Variants in L3MBTL4 observed in about 807,000 individuals in gnomAD.
L3MBTL4 encodes lethal(3)malignant brain tumor-like protein 4.
Under a neutral mutation model 84.5 loss-of-function variants are expected in L3MBTL4, and 70 were observed. The ratio of observed to expected loss-of-function variants is 0.83; its 90% CI spans 0.68 to 1.01. L3MBTL4 has a LOEUF of 1.01. Among genes scored for constraint, L3MBTL4 ranks in the 50% least tolerant of loss-of-function variants. The pLI, the probability that L3MBTL4 is intolerant of heterozygous loss-of-function variation, is 0.00. For synonymous variants in L3MBTL4, 274 were observed against 259.8 expected (o/e 1.05, Z -0.52); for missense variants, 715 against 754.8 (o/e 0.95, Z 0.62).
At chr18:6,023,486 A>G (rs1941899897) in intron 16 of L3MBTL4, among the ~76,000 whole-genome samples, 1 of 152,194 alleles carries the variant, frequency 6.6e-6, no homozygotes, top group South Asian at 2.1e-4. Flanking sequence ...TTTCCTGTGG[A>G]CTAATTTAGC....
chr18:6,323,809 A>G (rs1396689564), intron 1 of L3MBTL4, among the ~76,000 whole-genome samples: 1 of 152,274 alleles, frequency 6.6e-6, no homozygotes, highest in African/African-American at 2.4e-5. Flanking sequence ...TTTTCAGGGA[A>G]AGAATTCAAG....
At chr18:6,079,349 C>T (rs1229957274) in intron 16 of L3MBTL4, among the ~76,000 whole-genome samples, 1 of 152,200 alleles carries the variant, frequency 6.6e-6, no homozygotes, top group Non-Finnish European at 1.5e-5. Flanking sequence ...CCTCCCACCT[C>T]ACACTCTTCT....
At chr18:6,146,644 T>A (rs552948191) in intron 13 of L3MBTL4, among the ~76,000 whole-genome samples, 1 of 152,156 alleles carries the variant, frequency 6.6e-6, no homozygotes, top group Non-Finnish European at 1.5e-5. Context: ...TTTAAACAAC[T>A]TATTAAGAAG....
chr18:6,212,466 T>C (rs1021012311), intron 12 of L3MBTL4, among the ~76,000 whole-genome samples: 4 of 152,224 alleles, frequency 2.6e-5, no homozygotes, highest in African/African-American at 9.6e-5. Flanking sequence ...AGCTGTAATA[T>C]GTTGTAGAAA....
intron 16 of L3MBTL4, among the ~76,000 whole-genome samples, chr18:6,077,564 A>G (rs2057900525): frequency 6.6e-6 from 1 of 152,158 alleles, no homozygotes; most frequent in South Asian, 2.1e-4. Context: ...TGATTTTTAA[A>G]AGAAGTTTTC....
At chr18:6,217,908 T>C (rs1425044179) in intron 10 of L3MBTL4, among the ~76,000 whole-genome samples, 4 of 152,200 alleles carry the variant, frequency 2.6e-5, no homozygotes, top group East Asian at 1.9e-4. Context: ...TCCAGACATA[T>C]CTATTTTAAT....
At chr18:5,986,774 A>T (rs1192134605) in intron 16 of L3MBTL4, among the ~76,000 whole-genome samples, 1 of 152,234 alleles carries the variant, frequency 6.6e-6, no homozygotes, top group Non-Finnish European at 1.5e-5. Flanking sequence ...GGCAGTGGGC[A>T]TGGGCCCGAG....
At chr18:5,976,030 G>T (rs956234440) in intron 16 of L3MBTL4, among the ~76,000 whole-genome samples, 9 of 152,194 alleles carry the variant, frequency 5.9e-5, no homozygotes, top group African/African-American at 9.7e-5. Context: ...GTCAGAGATT[G>T]TCCACTGCTT....
At chr18:6,219,876 G>A (rs1014566169) in intron 10 of L3MBTL4, among the ~76,000 whole-genome samples, 12 of 151,912 alleles carry the variant, frequency 7.9e-5, no homozygotes, top group East Asian at 2.0e-4. Flanking sequence ...TGGTGGCCTC[G>A]AGAGGGACAA....
At chr18:6,215,075 A>G (rs1255614810) in intron 11 of L3MBTL4, among the ~76,000 whole-genome samples, 2 of 152,182 alleles carry the variant, frequency 1.3e-5, no homozygotes, top group Admixed American at 6.6e-5. Flanking sequence ...TTTTCAGTAA[A>G]TGAAATTATA....
intron 12 of L3MBTL4, among the ~76,000 whole-genome samples, chr18:6,205,858 G>A (rs557564727): frequency 2.0e-5 from 3 of 152,336 alleles, no homozygotes; most frequent in Non-Finnish European, 4.4e-5. Flanking sequence ...ATCAGTATTA[G>A]TAAGGGCATT....
intron 12 of L3MBTL4, among the ~76,000 whole-genome samples, chr18:6,173,324 C>T (rs2044068069): frequency 6.6e-6 from 1 of 152,116 alleles, no homozygotes; most frequent in Non-Finnish European, 1.5e-5. Flanking sequence ...CCCAGATGAG[C>T]CCTTAACATC....
rs191685752 is a variant in L3MBTL4 at position 6,090,404 on chromosome 18, T to C, written c.1373+2951A>G. ...TATAACCCTGATACAAAGATTAATA[T>C]AAGAGCAAACATGTTTTTTAAAAAT... On this transcript the variant is annotated intron_variant, in intron 15 of 18. Coordinates refer to ENST00000317931, the MANE Select transcript of L3MBTL4 (RefSeq NM_001330559.2). Among the ~76,000 whole-genome samples the C allele has an allele frequency of 3.5e-3, 531 of 152,128 alleles. 6 individuals are homozygous for C. The highest frequency in any genetic ancestry group is 0.012 in the African/African-American group (498 of 41,520).
intron 12 of L3MBTL4, among the ~76,000 whole-genome samples, chr18:6,194,313 G>A (rs2045273950): frequency 6.6e-6 from 1 of 152,202 alleles, no homozygotes; most frequent in African/African-American, 2.4e-5. Flanking sequence ...CTCTCCCACA[G>A]GGCGTGGCGA....
intron 16 of L3MBTL4, among the ~76,000 whole-genome samples, chr18:5,972,046 A>G (rs572075296): frequency 6.6e-6 from 1 of 152,298 alleles, no homozygotes; most frequent in East Asian, 1.9e-4. Flanking sequence ...GCTGTGGGGA[A>G]TAGGCTGTAT....
intron 16 of L3MBTL4, among the ~76,000 whole-genome samples, chr18:6,049,113 C>T (rs570346342): frequency 2.2e-4 from 33 of 152,128 alleles, no homozygotes; most frequent in African/African-American, 7.7e-4. Flanking sequence ...GAGGAAGACC[C>T]CGTTCTCCAA....
chr18:5,958,929 C>G (rs575359283), intron 18 of L3MBTL4, among the ~76,000 whole-genome samples: 2 of 152,314 alleles, frequency 1.3e-5, no homozygotes, highest in South Asian at 2.1e-4. Flanking sequence ...GAGGACAAAG[C>G]AAGCCTTGAT....
At chr18:6,144,002 C>G (rs1568194282) in intron 13 of L3MBTL4, among the ~76,000 whole-genome samples, 1 of 151,962 alleles carries the variant, frequency 6.6e-6, no homozygotes, top group South Asian at 2.1e-4. Flanking sequence ...TCGAGACTAT[C>G]CTGGCTAACA....
At chr18:6,322,032 C>A (rs1235537049) in intron 1 of L3MBTL4, among the ~76,000 whole-genome samples, 1 of 151,726 alleles carries the variant, frequency 6.6e-6, no homozygotes, top group South Asian at 2.1e-4. Context: ...AAACTAAAAG[C>A]TATTGTAATA....
Sources: allele counts gnomAD v4.1 joint callset (sites outside exome capture counted in the v4.1 genomes callset), GRCh38; gene constraint gnomAD v4.1.1; transcripts MANE v1.5; gene names NCBI Gene and HGNC (gene_info 2026-07-23, HGNC 2026-07-21).